Variants in S100Z observed in about 807,000 individuals in gnomAD.
S100Z encodes protein S100-Z.
In S100Z, 11 loss-of-function variants were observed where a neutral mutation model predicts 8.5. The observed-to-expected ratio is 1.30, with a 90% CI of 0.82 to 2.15. The LOEUF (loss-of-function observed/expected upper bound fraction) is 2.15. Ranked by LOEUF, S100Z falls within the 30% of genes most tolerant of loss-of-function variation. S100Z has a pLI of 0.00. For synonymous variants in S100Z, 34 were observed against 43.8 expected, an observed-to-expected ratio of 0.78 and a Z score of 0.89; for missense variants, 126 against 117.9, an observed-to-expected ratio of 1.07 and a Z score of -0.32.
the S100Z span, among the ~76,000 whole-genome samples, chr5:76,945,218 C>T: frequency 6.6e-6 from 1 of 152,162 alleles, no homozygotes; most frequent in Non-Finnish European, 1.5e-5. Flanking sequence ...TCGCCATTCT[C>T]CATAAACCAG....
chr5:76,876,358 G>A (rs1743192980), intron 3 of S100Z, among the ~76,000 whole-genome samples: 1 of 149,964 alleles, frequency 6.7e-6, no homozygotes, highest in South Asian at 2.1e-4. Context: ...CTCTCATTCC[G>A]TTTGGCTACT....
chr5:76,867,181 A>C (rs879618975), intron 1 of S100Z, among the ~76,000 whole-genome samples: 2 of 152,232 alleles, frequency 1.3e-5, no homozygotes, highest in African/African-American at 4.8e-5. Flanking sequence ...CAGTGACACC[A>C]TCACCACAGT....
At chr5:76,947,208 C>T in the S100Z span, among the ~76,000 whole-genome samples, 4 of 151,706 alleles carry the variant, frequency 2.6e-5, no homozygotes, top group Non-Finnish European at 5.9e-5. Flanking sequence ...CTGGCCCCCC[C>T]ATGTATTCTG....
At chr5:76,942,672 C>T in the S100Z span, among the ~76,000 whole-genome samples, 1 of 152,148 alleles carries the variant, frequency 6.6e-6, no homozygotes, top group African/African-American at 2.4e-5. Context: ...TCATCCACTT[C>T]CTATGCCCCC....
chr5:76,895,917 C>T (rs1452941382), intron 4 of S100Z, among the ~76,000 whole-genome samples: 2 of 151,848 alleles, frequency 1.3e-5, no homozygotes, highest in African/African-American at 4.8e-5. Flanking sequence ...CACCCACCAC[C>T]ACGCCTGGCT....
the S100Z span, among the ~76,000 whole-genome samples, chr5:76,951,705 A>G: frequency 3.6e-4 from 55 of 152,182 alleles, no homozygotes; most frequent in Non-Finnish European, 6.3e-4. Flanking sequence ...AAATTCAGGC[A>G]TCTAAACAGC....
chr5:76,899,088 C>T (rs1439434549), intron 4 of S100Z, among the ~76,000 whole-genome samples: 6 of 151,956 alleles, frequency 3.9e-5, no homozygotes, highest in Admixed American at 3.9e-4. Flanking sequence ...GGATTACAGA[C>T]ACGTGCCACC....
At chr5:76,919,910 T>C (rs1209055252) in intron 4 of S100Z, among the ~76,000 whole-genome samples, 2 of 146,932 alleles carry the variant, frequency 1.4e-5, no homozygotes, top group Admixed American at 1.3e-4. Context: ...AGCTTTCATT[T>C]TTTTTTTTTT....
chr5:76,946,872 G>A, the S100Z span, among the ~76,000 whole-genome samples: 1 of 152,112 alleles, frequency 6.6e-6, no homozygotes, highest in African/African-American at 2.4e-5. Context: ...GTTTTGTTTT[G>A]TTTAACTCTT....
chr5:76,884,326 C>T (rs1743522188), intron 4 of S100Z, among the ~76,000 whole-genome samples: 1 of 152,164 alleles, frequency 6.6e-6, no homozygotes. Context: ...CTAGCTATAC[C>T]TGGGGAATCT....
At chr5:76,936,658 A>ACACAC in the S100Z span, among the ~76,000 whole-genome samples, 20 of 62,020 alleles carry the variant, frequency 3.2e-4, no homozygotes, top group African/African-American at 8.1e-4. Context: ...CACACACACA[A>ACACAC]CCATGAAGGA....
chr5:76,915,330 G>A (rs183956743), intron 4 of S100Z, among the ~76,000 whole-genome samples: 6 of 137,312 alleles, frequency 4.4e-5, no homozygotes, highest in African/African-American at 8.2e-5. Flanking sequence ...AATGCTGGGC[G>A]TGATGGCTCA....
intron 4 of S100Z, among the ~76,000 whole-genome samples, chr5:76,880,258 A>C (rs894305477): frequency 6.6e-6 from 1 of 152,172 alleles, no homozygotes; most frequent in African/African-American, 2.4e-5. Context: ...ATCTTCAGTT[A>C]CTTCAGGCCA....
At chr5:76,946,200 C>T in the S100Z span, among the ~76,000 whole-genome samples, 796 of 152,228 alleles carry the variant, frequency 5.2e-3, 7 homozygotes, top group African/African-American at 0.018. Flanking sequence ...ATCACTTAAT[C>T]TCTCACCCTT....
chr5:76,927,796 G>A, the S100Z span, among the ~76,000 whole-genome samples: 1 of 152,152 alleles, frequency 6.6e-6, no homozygotes, highest in South Asian at 2.1e-4. Context: ...TTATGACATG[G>A]AAACTTCTCA....
chr5:76,863,431 T>G (rs1240604269), intron 1 of S100Z, among the ~76,000 whole-genome samples: 1 of 152,266 alleles, frequency 6.6e-6, no homozygotes, highest in African/African-American at 2.4e-5. Flanking sequence ...GGCCCATTTA[T>G]ATCACATAAC....
At chr5:76,940,945 G>C in the S100Z span, among the ~76,000 whole-genome samples, 1 of 151,912 alleles carries the variant, frequency 6.6e-6, no homozygotes, top group South Asian at 2.1e-4. Flanking sequence ...CCCCTCTGTT[G>C]GAATTTGTCT....
intron 4 of S100Z, among the ~76,000 whole-genome samples, chr5:76,907,320 T>G (rs1744491968): frequency 6.6e-6 from 1 of 152,072 alleles, no homozygotes; most frequent in South Asian, 2.1e-4. Flanking sequence ...TTTTGTTTTT[T>G]TGAGACAGAG....
the S100Z span, among the ~76,000 whole-genome samples, chr5:76,946,657 A>G: frequency 1.3e-5 from 2 of 152,200 alleles, no homozygotes; most frequent in South Asian, 4.1e-4. Context: ...GCACTCATAT[A>G]AAACTATTAT....
Sources: gnomAD v4.1 joint callset for allele counts (sites outside exome capture counted in the v4.1 genomes callset) on GRCh38, gnomAD v4.1.1 for gene constraint, MANE v1.5 for transcripts, NCBI Gene and HGNC (gene_info 2026-07-23, HGNC 2026-07-21) for gene names.